The following ULK4 variants were observed in gnomAD, a reference collection of about 807,000 sequenced individuals.
ULK4 encodes the protein inactive serine/threonine-protein kinase ULK4.
In ULK4, 133 loss-of-function variants were observed where a neutral mutation model predicts 160.6. That is an observed-to-expected ratio of 0.83 (90% CI 0.72 to 0.96). The LOEUF is 0.96. ULK4 is among the 40% of genes least tolerant of loss of function. ULK4 has a pLI of 0.00. For missense variants in ULK4, 1,580 were observed against 1,499.5 expected (o/e 1.05, Z -0.89); for synonymous variants, 534 against 539.8 (o/e 0.99, Z 0.15).
chr3:41,556,328 G>A (rs2087298278), intron 32 of ULK4, among the ~76,000 whole-genome samples: 1 of 151,940 alleles, frequency 6.6e-6, no homozygotes, highest in Admixed American at 6.6e-5. Context: ...AGTGTTCCAG[G>A]AAAATATAAT....
intron 35 of ULK4, among the ~76,000 whole-genome samples, chr3:41,272,875 T>C (rs2125687614): frequency 6.6e-6 from 1 of 152,332 alleles, no homozygotes; most frequent in South Asian, 2.1e-4. Context: ...CCATCCCATG[T>C]ATTTTTTCCT....
intron 31 of ULK4, among the ~76,000 whole-genome samples, chr3:41,595,115 G>A (rs2031605308): frequency 6.6e-6 from 1 of 152,112 alleles, no homozygotes; most frequent in Non-Finnish European, 1.5e-5. Flanking sequence ...GATTAGAGAT[G>A]GCACACTGAT....
At position 41,463,214 on chromosome 3, in the gene ULK4, G is replaced by A. The variant is rs746860994; in HGVS notation, c.3266C>T (p.Ala1089Val). The A allele has an allele frequency of 1.9e-6, 3 of 1,613,552 alleles. No homozygotes were observed. Among genetic ancestry groups the A allele is most frequent in the East Asian group, 2.2e-5 (1 of 44,848 alleles). The change falls in exon 33 of 37, where the codon GCC becomes GTC. Residue 1089 changes from alanine (A) to valine (V), a missense_variant. Coordinates refer to ENST00000301831, the MANE Select transcript of ULK4 (RefSeq NM_017886.4). Reference sequence around the variant, plus strand: ...ATTGTCCACATCCAAGCACAGTGTGGCAGTTTCAGTGAGCAGGTTACAGAT... The same window carrying A: ...ATTGTCCACATCCAAGCACAGTGTGACAGTTTCAGTGAGCAGGTTACAGAT... ...SHICNLLTET[A>V]TLCLDVDNKN...
chr3:41,916,914 G>C (rs371344064), intron 7 of ULK4, among the ~76,000 whole-genome samples: 168 of 151,888 alleles, frequency 1.1e-3, no homozygotes, highest in African/African-American at 3.9e-3. Context: ...CACCATGATA[G>C]TCAGGCTGGT....
intron 25 of ULK4, among the ~76,000 whole-genome samples, chr3:41,706,380 A>AT (rs2036883613): frequency 6.9e-6 from 1 of 145,042 alleles, no homozygotes; most frequent in African/African-American, 2.6e-5. Context: ...TATTTAATAT[A>AT]TATATTTATA....
chr3:41,556,052 G>T (rs2087285168), intron 32 of ULK4, among the ~76,000 whole-genome samples: 1 of 152,042 alleles, frequency 6.6e-6, no homozygotes, highest in Non-Finnish European at 1.5e-5. Flanking sequence ...AGAGAAAGAG[G>T]ATCAGGAAAA....
chr3:41,755,533 G>T (rs966780849), intron 21 of ULK4, among the ~76,000 whole-genome samples: 1 of 152,024 alleles, frequency 6.6e-6, no homozygotes, highest in Admixed American at 6.6e-5. Context: ...CCAGCAACTA[G>T]ACAGTAGAAA....
At chr3:41,374,815 G>T (rs1235519807) in intron 35 of ULK4, among the ~76,000 whole-genome samples, 4 of 152,052 alleles carry the variant, frequency 2.6e-5, no homozygotes, top group Non-Finnish European at 5.9e-5. Flanking sequence ...AGAAATAAAG[G>T]GTATTCAAAT....
At chr3:41,953,677 A>G (rs1243489103) in intron 2 of ULK4, among the ~76,000 whole-genome samples, 1 of 152,160 alleles carries the variant, frequency 6.6e-6, no homozygotes, top group Non-Finnish European at 1.5e-5. Context: ...CTTCCTTGAC[A>G]GTAAATTGCA....
intron 32 of ULK4, among the ~76,000 whole-genome samples, chr3:41,478,692 C>T (rs541722882): frequency 2.0e-4 from 31 of 152,230 alleles, no homozygotes; most frequent in African/African-American, 6.7e-4. Context: ...GAAGTTTAAC[C>T]CTTGAGGGAT....
At chr3:41,705,335 A>G (rs771788495) in intron 25 of ULK4, 30 bp from the exon 26 acceptor site, 2 of 1,539,588 alleles carry the variant, frequency 1.3e-6, no homozygotes, top group Non-Finnish European at 1.8e-6. Flanking sequence ...TAATAAATAG[A>G]GTTTCAAAGT....
chr3:41,683,135 C>T (rs772300503), intron 27 of ULK4, among the ~76,000 whole-genome samples: 1 of 152,090 alleles, frequency 6.6e-6, no homozygotes, highest in Non-Finnish European at 1.5e-5. Flanking sequence ...ATGCCATACC[C>T]GCTAACCCCA....
intron 17 of ULK4, among the ~76,000 whole-genome samples, chr3:41,837,329 A>G (rs2041788448): frequency 6.6e-6 from 1 of 152,204 alleles, no homozygotes; most frequent in Non-Finnish European, 1.5e-5. Flanking sequence ...TGCAATCAAG[A>G]TAACAAAAGC....
intron 20 of ULK4, among the ~76,000 whole-genome samples, chr3:41,791,096 A>G (rs1407445733): frequency 6.6e-6 from 1 of 152,178 alleles, no homozygotes. Context: ...TTTGAAAAAT[A>G]TTTCCATTTT....
chr3:41,696,120 G>A (rs377610855), intron 27 of ULK4, among the ~76,000 whole-genome samples: 11 of 152,198 alleles, frequency 7.2e-5, no homozygotes, highest in East Asian at 5.8e-4. Flanking sequence ...CCCTTTCCCC[G>A]GGGGAGTTTA....
chr3:41,451,213 C>G (rs2083417845), intron 34 of ULK4, among the ~76,000 whole-genome samples: 1 of 151,890 alleles, frequency 6.6e-6, no homozygotes, highest in African/African-American at 2.4e-5. Flanking sequence ...GGTAAGAAAC[C>G]AGAAGACATC....
intron 35 of ULK4, among the ~76,000 whole-genome samples, chr3:41,367,991 T>C (rs541017878): frequency 1.3e-5 from 2 of 152,306 alleles, no homozygotes; most frequent in South Asian, 4.2e-4. Context: ...TACTTTCTTC[T>C]TTTTGCTCGT....
chr3:41,906,971 G>A (rs1575925711), intron 12 of ULK4, among the ~76,000 whole-genome samples: 1 of 151,888 alleles, frequency 6.6e-6, no homozygotes, highest in East Asian at 1.9e-4. Context: ...CCAGCCTGGC[G>A]ACTGAGCAAG....
chr3:41,961,987 T>G (rs1427667871), intron 1 of ULK4, 29 bp downstream of exon 1: 1 of 152,306 alleles, frequency 6.6e-6, no homozygotes, highest in Non-Finnish European at 1.5e-5. Context: ...CTCAGACTCG[T>G]AGCTACTAAA....
Sources: gnomAD v4.1 joint callset for allele counts (sites outside exome capture counted in the v4.1 genomes callset) on GRCh38, gnomAD v4.1.1 for gene constraint, MANE v1.5 for transcripts, NCBI Gene and HGNC (gene_info 2026-07-23, HGNC 2026-07-21) for gene names.